Variants in TSPEAR observed in about 807,000 individuals in gnomAD.
The protein encoded by TSPEAR is thrombospondin-type laminin G domain and EAR repeat-containing protein.
In TSPEAR, 69 loss-of-function variants were observed where a neutral mutation model predicts 71.6. The observed-to-expected ratio is 0.96, with a 90% CI of 0.79 to 1.18. TSPEAR has a LOEUF of 1.18. Among genes scored for constraint, TSPEAR ranks in the 50% most tolerant of loss-of-function variants. The pLI, the probability that TSPEAR is intolerant of heterozygous loss-of-function variation, is 0.00. For synonymous variants in TSPEAR, 402 were observed against 387.2 expected, an observed-to-expected ratio of 1.04 and a Z score of -0.45; for missense variants, 971 against 894.9, an observed-to-expected ratio of 1.09 and a Z score of -1.09.
chr21:44,637,699 CTGTG>C (rs782538081), intron 1 of TSPEAR: 13 of 342,360 alleles, frequency 3.8e-5, no homozygotes, highest in Middle Eastern at 6.3e-4. Flanking sequence ...AGCAGGCCTG[CTGTG>C]TGCCTGTCTG....
intron 1 of TSPEAR, among the ~76,000 whole-genome samples, chr21:44,673,930 G>C (rs1255518378): frequency 6.6e-6 from 1 of 151,060 alleles, no homozygotes; most frequent in Non-Finnish European, 1.5e-5. Flanking sequence ...AGGGAAACAC[G>C]ACATATCAAA....
chr21:44,646,267 G>A (rs1984350831), intron 1 of TSPEAR: 1 of 731,272 alleles, frequency 1.4e-6, no homozygotes, highest in African/African-American at 1.8e-5. Flanking sequence ...AAACCAGCAT[G>A]AATGATGCAT....
Position 44,555,954 on chromosome 21 carries a change from C to T in TSPEAR, c.303+11831G>A, listed in dbSNP as rs868967165. Among the ~76,000 whole-genome samples, 3 of 152,194 alleles carry T rather than the reference C, an allele frequency of 2.0e-5. 1 individual carries two copies. The South Asian group carries it at 6.2e-4, about 31-fold the overall frequency. On this transcript the variant is annotated intron_variant, in intron 2 of 11. Coordinates refer to ENST00000323084, the MANE Select transcript of TSPEAR (RefSeq NM_144991.3). Reference sequence around the variant, plus strand: ...TTGCACAGACATGCCATCGAAACTGCAAAGGAGTAAATGACTGCTGGGACA... The same window carrying T: ...TTGCACAGACATGCCATCGAAACTGTAAAGGAGTAAATGACTGCTGGGACA...
At chr21:44,637,497 G>T in intron 1 of TSPEAR, 1 of 1,613,466 alleles carries the variant, frequency 6.2e-7, no homozygotes, top group Non-Finnish European at 8.5e-7. Context: ...GAGAGCTGCT[G>T]CGAGCCCTGC....
rs114976668 is a variant in TSPEAR at position 44,698,341 on chromosome 21, G to A, written c.82+13092C>T. On this transcript the variant is annotated intron_variant, in intron 1 of 11. Transcript: ENST00000323084. ...TGCTGACCAGCCCGACAGGAGGCCA[G>A]GACACAGATGCAGCCTCCTGGGGCC... Among the ~76,000 whole-genome samples, 1,166 of 152,340 alleles carry A rather than the reference G, an allele frequency of 7.7e-3. 18 individuals are homozygous for A. The highest frequency in any genetic ancestry group is 0.027 in the African/African-American group (1,118 of 41,562).
chr21:44,592,285 C>G (rs782033473), intron 1 of TSPEAR: 1 of 1,566,532 alleles, frequency 6.4e-7, no homozygotes, highest in Non-Finnish European at 8.6e-7. Context: ...CACTGGGCAG[C>G]AGGGGCTGGA....
intron 2 of TSPEAR, among the ~76,000 whole-genome samples, chr21:44,559,907 A>G (rs1426866105): frequency 1.3e-5 from 2 of 152,200 alleles, no homozygotes; most frequent in South Asian, 2.1e-4. Context: ...GTGGGGGCCC[A>G]TAGGCTGCAG....
At chr21:44,557,055 G>A (rs782134868) in intron 2 of TSPEAR, among the ~76,000 whole-genome samples, 2 of 152,142 alleles carry the variant, frequency 1.3e-5, no homozygotes, top group Admixed American at 6.5e-5. Context: ...GGTGCATCTC[G>A]CGCTACCATA....
rs587690137 is a variant in TSPEAR, at chr21:44,621,482, G to A, written c.83-53477C>T. Reference sequence around the variant, plus strand: ...CTGCTCCAGCTTCTGTATGACAGTGGCTTCCTCATCAGGCTCCTTTCCTGG... The same window carrying A: ...CTGCTCCAGCTTCTGTATGACAGTGACTTCCTCATCAGGCTCCTTTCCTGG... On this transcript the variant is annotated intron_variant, in intron 1 of 11. Transcript: ENST00000323084. Among the ~76,000 whole-genome samples the A allele has an allele frequency of 2.0e-5, 3 of 152,306 alleles. No individual in the cohort carries two copies. In the East Asian group the frequency reaches 5.8e-4, roughly 29 times the overall value.
chr21:44,663,862 C>T (rs187350586), intron 1 of TSPEAR, among the ~76,000 whole-genome samples: 1 of 152,044 alleles, frequency 6.6e-6, no homozygotes, highest in African/African-American at 2.4e-5. Context: ...AGAGGAAGCA[C>T]CATATTATTA....
intron 1 of TSPEAR, chr21:44,657,912 A>C: frequency 6.6e-7 from 1 of 1,505,466 alleles, no homozygotes; most frequent in Non-Finnish European, 9.1e-7. Context: ...AGGTATAAAG[A>C]CCACCAGAGA....
At chr21:44,622,696 G>T (rs781865985) in intron 1 of TSPEAR, among the ~76,000 whole-genome samples, 4 of 152,154 alleles carry the variant, frequency 2.6e-5, no homozygotes, top group Non-Finnish European at 5.9e-5. Context: ...TTAGTCATTG[G>T]ATTTAAGGTT....
At chr21:44,661,091 C>T (rs1305670199) in intron 1 of TSPEAR, among the ~76,000 whole-genome samples, 3 of 151,954 alleles carry the variant, frequency 2.0e-5, no homozygotes, top group East Asian at 1.9e-4. Flanking sequence ...CTGGCTAACA[C>T]GGTGAAACCC....
Position 44,711,344 on chromosome 21 carries a change from C to T in TSPEAR, c.82+89G>A, listed in dbSNP as rs572449522. 6 of 1,229,012 alleles carry T rather than the reference C, an allele frequency of 4.9e-6. No individual in the cohort carries two copies. The South Asian group carries it at 7.3e-5, about 15-fold the overall frequency. 76.1% of individuals were successfully genotyped at this position (1,229,012 alleles called of 1,614,324 possible). On this transcript the variant is annotated intron_variant, in intron 1 of 11. Transcript: ENST00000323084. The surrounding 1 kb of genome is among the most constrained non-coding windows in gnomAD (Gnocchi z 4.5). Reference sequence around the variant, plus strand: ...CGTCCTCGGGCACCGCGGCTTGAATCAGTGTTAGAAAGTGGCATTTGTGAC... The same window carrying T: ...CGTCCTCGGGCACCGCGGCTTGAATTAGTGTTAGAAAGTGGCATTTGTGAC...
At position 44,525,874 on chromosome 21, in the gene TSPEAR, C is replaced by T. The variant is rs782796590; in HGVS notation, c.1150-35G>A. ...AGTAAACCGGGACCACGTGGTTCTGCTTGGGTCGGTGCCAGCGGCCTGGTT... is the reference window on the plus strand; with the variant it reads ...AGTAAACCGGGACCACGTGGTTCTGTTTGGGTCGGTGCCAGCGGCCTGGTT... On this transcript the variant is annotated intron_variant, in intron 7 of 11. Coordinates refer to ENST00000323084, the MANE Select transcript of TSPEAR (RefSeq NM_144991.3). 4.1e-5 allele frequency: 66 copies of T among 1,608,304 alleles called. No individual in the cohort carries two copies. The Middle Eastern group carries it at 8.2e-4, about 20-fold the overall frequency.
intron 1 of TSPEAR, among the ~76,000 whole-genome samples, chr21:44,657,205 T>C (rs2838616): frequency 0.23 from 35,742 of 152,156 alleles, 4,190 homozygotes; most frequent in Middle Eastern, 0.25. Context: ...AATTATTTCA[T>C]GCATTCATTT....
intron 1 of TSPEAR, chr21:44,627,177 C>T (rs782605371): frequency 7.4e-6 from 12 of 1,612,106 alleles, no homozygotes; most frequent in East Asian, 2.2e-5. Flanking sequence ...CCAGCATGGC[C>T]GCGTCCACCA....
At chr21:44,622,823 T>A (rs1569224824) in intron 1 of TSPEAR, among the ~76,000 whole-genome samples, 1 of 152,226 alleles carries the variant, frequency 6.6e-6, no homozygotes, top group Non-Finnish European at 1.5e-5. Flanking sequence ...AAATCTCATG[T>A]TGAAATGTGA....
chr21:44,518,790 TTC>T (rs2052667805), intron 9 of TSPEAR: 1 of 436,764 alleles, frequency 2.3e-6, no homozygotes, highest in Non-Finnish European at 4.9e-6. Context: ...CCCTTCCTGG[TTC>T]TGGCAAAGCT....
Sources: gnomAD v4.1 joint callset for allele counts (sites outside exome capture counted in the v4.1 genomes callset) on GRCh38, gnomAD v4.1.1 for gene constraint, Gnocchi (gnomAD v3.1) non-coding constraint, MANE v1.5 for transcripts, NCBI Gene and HGNC (gene_info 2026-07-23, HGNC 2026-07-21) for gene names.